THSD7B: variants seen among roughly 807,000 people sequenced by gnomAD.
THSD7B encodes the protein thrombospondin type 1 domain containing 7B.
Under a neutral mutation model 213.6 loss-of-function variants are expected in THSD7B, and 138 were observed. The ratio of observed to expected loss-of-function variants is 0.65; its 90% CI spans 0.56 to 0.74. The LOEUF (loss-of-function observed/expected upper bound fraction) is 0.74. Among genes scored for constraint, THSD7B ranks in the 30% least tolerant of loss-of-function variants. The pLI is 0.00. For missense variants in THSD7B, 1,931 were observed against 1,991.5 expected (o/e 0.97, Z 0.58); for synonymous variants, 742 against 687.0 (o/e 1.08, Z -1.25).
chr2:137,408,491 C>T (rs13428514), intron 13 of THSD7B, among the ~76,000 whole-genome samples: 26,410 of 152,086 alleles, frequency 0.17, 3,894 homozygotes, highest in African/African-American at 0.41. Context: ...ATTGGAGATA[C>T]GGTGAGATTT....
At chr2:136,802,361 G>A (rs890081326) in intron 1 of THSD7B, among the ~76,000 whole-genome samples, 5 of 151,858 alleles carry the variant, frequency 3.3e-5, no homozygotes, top group Non-Finnish European at 7.4e-5. Context: ...AAAGAGGAAA[G>A]CTACACTGTA....
At chr2:137,033,397 A>G (rs1240534160) in intron 2 of THSD7B, among the ~76,000 whole-genome samples, 1 of 152,194 alleles carries the variant, frequency 6.6e-6, no homozygotes, top group African/African-American at 2.4e-5. Context: ...GCAGAAGTGC[A>G]CAAGTCTCTT....
intron 2 of THSD7B, among the ~76,000 whole-genome samples, chr2:136,892,041 TTC>T (rs770964158): frequency 6.6e-6 from 1 of 152,094 alleles, no homozygotes; most frequent in Non-Finnish European, 1.5e-5. Flanking sequence ...AGGTATCCCT[TTC>T]TCTCTGTGTG....
chr2:136,771,919 T>G (rs771079725), intron 1 of THSD7B, among the ~76,000 whole-genome samples: 5 of 152,200 alleles, frequency 3.3e-5, no homozygotes, highest in Non-Finnish European at 7.4e-5. Context: ...CAAGTGTGAC[T>G]AGTAATTATT....
At chr2:137,451,718 TAAAG>T (rs1229513150) in intron 15 of THSD7B, among the ~76,000 whole-genome samples, 1 of 152,114 alleles carries the variant, frequency 6.6e-6, no homozygotes, top group African/African-American at 2.4e-5. Context: ...AGAATTATAA[TAAAG>T]AACTCAAATT....
chr2:136,811,605 A>G (rs1193475900), intron 1 of THSD7B, among the ~76,000 whole-genome samples: 1 of 152,186 alleles, frequency 6.6e-6, no homozygotes, highest in Non-Finnish European at 1.5e-5. Context: ...TATTTTGGAA[A>G]AAGCATGATG....
At chr2:137,246,142 A>G (rs933505898) in intron 10 of THSD7B, among the ~76,000 whole-genome samples, 1 of 152,144 alleles carries the variant, frequency 6.6e-6, no homozygotes, top group African/African-American at 2.4e-5. Context: ...TTTAACTTAA[A>G]CTGAGAGGTC....
intron 12 of THSD7B, among the ~76,000 whole-genome samples, chr2:137,309,969 G>A (rs548570048): frequency 1.3e-5 from 2 of 151,632 alleles, no homozygotes; most frequent in African/African-American, 4.9e-5. Flanking sequence ...ATAAACATAC[G>A]TGTGCATGTG....
chr2:137,454,408 GTCTGTCTGTCTGTCTGTCTA>G (rs1687718792), intron 15 of THSD7B, among the ~76,000 whole-genome samples: 1 of 117,152 alleles, frequency 8.5e-6, no homozygotes, highest in African/African-American at 3.3e-5. Flanking sequence ...CTGTCTGTCT[GTCTGTCTGTCTGTCTGTCTA>G]TCTATCTATC....
chr2:137,476,150 T>C (rs1418521000), intron 15 of THSD7B, among the ~76,000 whole-genome samples: 7 of 152,162 alleles, frequency 4.6e-5, no homozygotes, highest in Admixed American at 4.6e-4. Flanking sequence ...CTTTTTAATG[T>C]GACTATTTTC....
intron 12 of THSD7B, among the ~76,000 whole-genome samples, chr2:137,371,760 G>C (rs1685538944): frequency 6.6e-6 from 1 of 151,538 alleles, no homozygotes; most frequent in Non-Finnish European, 1.5e-5. Flanking sequence ...CTATTGAATT[G>C]TTTTTTTAAT....
At chr2:136,889,478 G>A (rs1683777878) in intron 2 of THSD7B, among the ~76,000 whole-genome samples, 1 of 152,174 alleles carries the variant, frequency 6.6e-6, no homozygotes, top group South Asian at 2.1e-4. Flanking sequence ...ATTCAGAATA[G>A]TTCTATCAAA....
chr2:137,532,685 A>G lies in THSD7B; in HGVS notation c.3139-30536A>G, dbSNP rs142639846. Among the ~76,000 whole-genome samples, 727 of 151,882 alleles carry G rather than the reference A, an allele frequency of 4.8e-3. 4 individuals carry two copies. The highest frequency in any genetic ancestry group is 0.017 in the African/African-American group (693 of 41,506). ...AGAGTATAGTTGGCTGTCTCTTTGC[A>G]TCTTTGTTTCTCTTTCTAATTCTTT... On this transcript the variant is annotated intron_variant, in intron 15 of 27. Transcript: ENST00000409968.
At chr2:137,374,020 G>A (rs929506225) in intron 12 of THSD7B, among the ~76,000 whole-genome samples, 5 of 152,004 alleles carry the variant, frequency 3.3e-5, no homozygotes, top group Admixed American at 1.3e-4. Context: ...GATATGCGGT[G>A]TTATTTCTGA....
chr2:137,140,154 A>G (rs1206390270), intron 5 of THSD7B, among the ~76,000 whole-genome samples: 1 of 152,096 alleles, frequency 6.6e-6, no homozygotes, highest in Non-Finnish European at 1.5e-5. Flanking sequence ...ATACACACAC[A>G]CACTATATAT....
chr2:136,855,302 T>C (rs1034792522), intron 1 of THSD7B, among the ~76,000 whole-genome samples: 7 of 152,178 alleles, frequency 4.6e-5, no homozygotes, highest in Admixed American at 4.6e-4. Context: ...TTCTACCCTA[T>C]TCACACACCA....
chr2:137,030,257 G>T (rs1041087446), intron 2 of THSD7B, among the ~76,000 whole-genome samples: 1 of 152,148 alleles, frequency 6.6e-6, no homozygotes, highest in Non-Finnish European at 1.5e-5. Flanking sequence ...TCACTGAAAG[G>T]CTTAGGAAAA....
rs1687593685 is a variant in THSD7B, at chr2:137,448,823, AC to A, written c.2960-2021del. ...CAAAACAACAACAACAACAACAACA[AC>A]AACAACAACAACAAAAACTACCCTT... is the stretch of plus-strand genomic sequence containing the variant. On this transcript the variant is annotated intron_variant, in intron 14 of 27. Transcript: ENST00000409968. Among the ~76,000 whole-genome samples the A allele has an allele frequency of 1.4e-4, 21 of 151,204 alleles. No individual in the cohort carries two copies. The South Asian group carries it at 4.2e-3, about 30-fold the overall frequency.
At chr2:137,649,043 T>C (rs1683090211) in intron 21 of THSD7B, among the ~76,000 whole-genome samples, 1 of 152,204 alleles carries the variant, frequency 6.6e-6, no homozygotes, top group South Asian at 2.1e-4. Flanking sequence ...TTTTTTCATA[T>C]GGCAGTTGGC....
Sources: gnomAD v4.1 joint callset for allele counts (sites outside exome capture counted in the v4.1 genomes callset) on GRCh38, gnomAD v4.1.1 for gene constraint, MANE v1.5 for transcripts, NCBI Gene and HGNC (gene_info 2026-07-23, HGNC 2026-07-21) for gene names.